CNST: variants seen among roughly 807,000 people sequenced by gnomAD.
The protein encoded by CNST is consortin.
Under a neutral mutation model 72.4 loss-of-function variants are expected in CNST, and 39 were observed. The ratio of observed to expected loss-of-function variants is 0.54; its 90% confidence interval spans 0.42 to 0.70. The LOEUF (loss-of-function observed/expected upper bound fraction) is 0.70, where lower values mean the gene tolerates loss of function less well. CNST is among the 30% of genes least tolerant of loss of function. CNST has a pLI of 0.00. For missense variants in CNST, 871 were observed against 868.5 expected (o/e 1.00, Z -0.04); for synonymous variants, 332 against 320.1 (o/e 1.04, Z -0.40).
chr1:246,619,039 C>T (rs1165186146), intron 2 of CNST, among the ~76,000 whole-genome samples: 4 of 151,972 alleles, frequency 2.6e-5, no homozygotes. Context: ...GAGTAATACC[C>T]TGATAACTAT....
chr1:246,609,970 A>G (rs1276025472), intron 2 of CNST, among the ~76,000 whole-genome samples: 5 of 152,180 alleles, frequency 3.3e-5, no homozygotes, highest in Non-Finnish European at 5.9e-5. Flanking sequence ...CTCCCCAAAC[A>G]GAATCTCTGT....
At chr1:246,582,261 C>T (rs181471848) in intron 1 of CNST, among the ~76,000 whole-genome samples, 79 of 152,272 alleles carry the variant, frequency 5.2e-4, no homozygotes, top group Admixed American at 1.8e-3. Flanking sequence ...TGACAGTTAT[C>T]AGCATAGAGT....
intron 1 of CNST, among the ~76,000 whole-genome samples, chr1:246,578,461 G>C (rs892693974): frequency 6.6e-6 from 1 of 151,926 alleles, no homozygotes; most frequent in Admixed American, 6.5e-5. Context: ...TCATGAGGTA[G>C]GAGATCGAGA....
intron 1 of CNST, among the ~76,000 whole-genome samples, chr1:246,585,528 T>C (rs1343367436): frequency 6.7e-6 from 1 of 150,174 alleles, no homozygotes. Flanking sequence ...ATGCCTGTAA[T>C]CCCAGCTACT....
intron 9 of CNST, among the ~76,000 whole-genome samples, chr1:246,652,876 C>T (rs1362230493): frequency 1.3e-4 from 20 of 150,720 alleles, no homozygotes; most frequent in East Asian, 9.7e-4. Context: ...TGGTGGCGGG[C>T]GCCTGTAGTC....
intron 9 of CNST, among the ~76,000 whole-genome samples, chr1:246,648,454 T>C (rs529191769): frequency 3.3e-5 from 5 of 152,306 alleles, no homozygotes; most frequent in Non-Finnish European, 5.9e-5. Context: ...AATATATTTT[T>C]TAAGTCTTTT....
At chr1:246,584,427 CA>C (rs1558532387) in intron 1 of CNST, among the ~76,000 whole-genome samples, 2 of 151,872 alleles carry the variant, frequency 1.3e-5, no homozygotes, top group Non-Finnish European at 2.9e-5. Flanking sequence ...GCGGTGCAGT[CA>C]AGAATAAAGA....
At position 246,621,525 on chromosome 1, in the gene CNST, C is replaced by A. The variant is rs749744259; in HGVS notation, c.476C>A (p.Ala159Asp). 25 of 1,613,966 alleles carry A rather than the reference C, an allele frequency of 1.5e-5. No homozygotes were observed. In the East Asian group the frequency reaches 5.6e-4, roughly 36 times the overall value. ...VDDEEAAEVNANEQPEAPKLV... is the reference protein window; with the variant it reads ...VDDEEAAEVNDNEQPEAPKLV... Reference sequence around the variant, plus strand: ...GATGAAGAAGCTGCTGAAGTAAATGCTAATGAGCAGCCAGAGGCGCCAAAG... The same window carrying A: ...GATGAAGAAGCTGCTGAAGTAAATGATAATGAGCAGCCAGAGGCGCCAAAG... Residue 159 changes from alanine (A) to aspartate (D), a missense_variant, in exon 3 of 11, where the codon GCT becomes GAT. Physicochemically the swap from Ala to Asp is moderately radical, Grantham distance 126. Coordinates refer to ENST00000366513, the MANE Select transcript of CNST (RefSeq NM_152609.3).
intron 2 of CNST, chr1:246,607,471 G>A (rs990396079): frequency 1.3e-5 from 2 of 152,296 alleles, no homozygotes; most frequent in Non-Finnish European, 2.9e-5. Context: ...TTAACCCCGG[G>A]AGCGCGCCAA....
intron 1 of CNST, among the ~76,000 whole-genome samples, chr1:246,570,800 A>G (rs1660024129): frequency 1.3e-5 from 2 of 152,320 alleles, no homozygotes; most frequent in South Asian, 4.1e-4. Flanking sequence ...TAGCAAATTT[A>G]TTGTAGTTAT....
chr1:246,634,673 A>C, intron 6 of CNST, 86 bp downstream of exon 6: 2 of 746,108 alleles, frequency 2.7e-6, no homozygotes, highest in South Asian at 1.8e-5. Context: ...TCTTTGTTTT[A>C]TGTTTTCAAC....
chr1:246,648,278 G>A, intron 9 of CNST: 1 of 1,225,938 alleles, frequency 8.2e-7, no homozygotes, highest in Non-Finnish European at 1.0e-6. Context: ...GCTAGAGTGA[G>A]CGTTATTGTA....
chr1:246,623,815 A>G (rs1399333118), intron 3 of CNST, among the ~76,000 whole-genome samples: 2 of 147,972 alleles, frequency 1.4e-5, no homozygotes, highest in African/African-American at 5.0e-5. Context: ...GTAATGCAGC[A>G]CTCTGGGAGG....
At chr1:246,616,430 T>C (rs1346429578) in intron 2 of CNST, among the ~76,000 whole-genome samples, 1 of 152,124 alleles carries the variant, frequency 6.6e-6, no homozygotes, top group African/African-American at 2.4e-5. Flanking sequence ...TGGTGGTGTG[T>C]GCCTGTGGTT....
intron 8 of CNST, among the ~76,000 whole-genome samples, chr1:246,645,424 C>CTTTTTTTTT (rs1553384186): frequency 2.7e-4 from 29 of 106,098 alleles, no homozygotes; most frequent in African/African-American, 7.9e-4. Context: ...AAGGTTAAAA[C>CTTTTTTTTT]TTTTTTTTTT....
chr1:246,665,554 T>C (rs1287841783), intron 10 of CNST, 146 bp from the exon 11 acceptor site: 1 of 657,378 alleles, frequency 1.5e-6, no homozygotes, highest in Middle Eastern at 4.2e-4. Context: ...GTAGAGTCAT[T>C]AGCAGCATGA....
chr1:246,636,459 A>AT (rs1481973615), intron 6 of CNST, among the ~76,000 whole-genome samples: 29 of 152,212 alleles, frequency 1.9e-4, no homozygotes, highest in Admixed American at 1.8e-3. Context: ...AATTGGACAC[A>AT]TTCGTGGTAA....
At position 246,591,618 on chromosome 1, in the gene CNST, G is replaced by A. The variant is rs1661548274; in HGVS notation, c.56G>A (p.Cys19Tyr). The A allele has an allele frequency of 6.2e-7, 1 of 1,614,062 alleles. No homozygotes were observed. Among genetic ancestry groups the A allele is most frequent in the African/African-American group, 1.3e-5 (1 of 74,930 alleles). The change falls in exon 2 of 11, where the codon TGT becomes TAT. Residue 19 changes from cysteine (C) to tyrosine (Y), a missense_variant. Physicochemically the swap from Cys to Tyr is radical, Grantham distance 194 (BLOSUM62 -2). Transcript: ENST00000366513. ...CTGCAAATAGAACCACAAGATGGAT[G>A]TCATCCTGGTGACAGCGTGGAAAGG... ...YYLQIEPQDG[C>Y]HPGDSVERSV... is the part of the protein sequence containing the mutation.
Position 246,667,681 on chromosome 1 carries a change from C to T in CNST, c.*1776C>T, listed in dbSNP as rs1470022266. The T allele has an allele frequency of 1.3e-5, 2 of 152,038 alleles. No homozygotes were observed. The highest frequency in any genetic ancestry group is 2.9e-5 in the Non-Finnish European group (2 of 68,028). 9.4% of individuals were successfully genotyped at this position (152,038 alleles called of 1,614,324 possible). On this transcript the variant is annotated 3_prime_UTR_variant, in exon 11 of 11. Coordinates refer to ENST00000366513, the MANE Select transcript of CNST (RefSeq NM_152609.3). Reference sequence around the variant, plus strand: ...GTATGTAAAATATGTAAAATGTTGACGGTACTATATTAAGTGGTTCTATAA... The same window carrying T: ...GTATGTAAAATATGTAAAATGTTGATGGTACTATATTAAGTGGTTCTATAA...
Sources: gnomAD v4.1 joint callset for allele counts (sites outside exome capture counted in the v4.1 genomes callset) on GRCh38, gnomAD v4.1.1 for gene constraint, MANE v1.5 for transcripts, NCBI Gene and HGNC (gene_info 2026-07-23, HGNC 2026-07-21) for gene names.